Variants in COL28A1 observed in about 807,000 individuals in gnomAD.
The protein encoded by COL28A1 is collagen type XXVIII alpha 1 chain, also known as collagen alpha-1(XXVIII) chain.
In COL28A1, 161 loss-of-function variants were observed where a neutral mutation model predicts 150.2. The ratio of observed to expected loss-of-function variants is 1.07; its 90% CI spans 0.94 to 1.22. The LOEUF (loss-of-function observed/expected upper bound fraction) is 1.22. Among genes scored for constraint, COL28A1 ranks in the 50% most tolerant of loss-of-function variants. COL28A1 has a pLI of 0.00. For synonymous variants in COL28A1, 552 were observed against 469.7 expected (o/e 1.18, Z -2.26); for missense variants, 1,617 against 1,388.3 (o/e 1.16, Z -2.62).
intron 15 of COL28A1, among the ~76,000 whole-genome samples, chr7:7,463,927 A>G (rs1430825294): frequency 2.6e-5 from 4 of 152,228 alleles, no homozygotes. Context: ...CACCTAACAC[A>G]TAAGGACTCA....
chr7:7,534,184 G>C (rs1358449370), intron 1 of COL28A1, among the ~76,000 whole-genome samples: 2 of 152,162 alleles, frequency 1.3e-5, no homozygotes, highest in African/African-American at 4.8e-5. Flanking sequence ...AGCTGGAAGT[G>C]TATTAAAAGA....
chr7:7,512,183 A>G (rs1233101379), intron 8 of COL28A1, among the ~76,000 whole-genome samples: 2 of 152,208 alleles, frequency 1.3e-5, no homozygotes, highest in Admixed American at 1.3e-4. Context: ...ACAGAAGCAC[A>G]GAGTAGAAGG....
At chr7:7,417,820 G>GA in intron 27 of COL28A1, 39 bp downstream of exon 27, 1 of 1,540,200 alleles carries the variant, frequency 6.5e-7, no homozygotes. Context: ...TCACTCTGGT[G>GA]AAATCAGAGG....
intron 15 of COL28A1, among the ~76,000 whole-genome samples, chr7:7,474,216 C>G (rs923206989): frequency 6.6e-5 from 10 of 151,778 alleles, no homozygotes; most frequent in African/African-American, 2.4e-4. Flanking sequence ...TGTATGTTCT[C>G]ACTCATATGT....
intron 25 of COL28A1, 25 bp downstream of exon 25, chr7:7,432,448 T>C: frequency 6.2e-7 from 1 of 1,606,116 alleles, no homozygotes; most frequent in Non-Finnish European, 8.5e-7. Context: ...TAGAAGCTAG[T>C]ACGTTGCCTA....
At chr7:7,380,750 A>G (rs1781827680) in intron 29 of COL28A1, 32 bp downstream of exon 29, 1 of 1,612,622 alleles carries the variant, frequency 6.2e-7, no homozygotes, top group Non-Finnish European at 8.5e-7. Context: ...GTTAGAGTAT[A>G]AAATCACAGT....
intron 11 of COL28A1, among the ~76,000 whole-genome samples, chr7:7,493,884 C>A (rs1780061627): frequency 6.6e-6 from 1 of 151,990 alleles, no homozygotes; most frequent in African/African-American, 2.4e-5. Flanking sequence ...AGAGAGATGG[C>A]ATGCCCAAAA....
At chr7:7,524,482 A>C (rs1277892736) in intron 3 of COL28A1, among the ~76,000 whole-genome samples, 1 of 152,230 alleles carries the variant, frequency 6.6e-6, no homozygotes, top group Non-Finnish European at 1.5e-5. Flanking sequence ...ATTTTCTAGG[A>C]ACTTCATCTT....
downstream of COL28A1, among the ~76,000 whole-genome samples, chr7:7,351,798 T>C (rs1780235961): frequency 1.3e-5 from 2 of 152,010 alleles, no homozygotes; most frequent in Non-Finnish European, 2.9e-5. Context: ...GACTTGGGGC[T>C]ATAAACCAAA....
At position 7,489,390 on chromosome 7, in the gene COL28A1, G is replaced by A; in HGVS notation, c.1163C>T (p.Pro388Leu). The A allele has an allele frequency of 1.5e-6, 2 of 1,302,156 alleles. No homozygotes were observed. Among genetic ancestry groups the A allele is most frequent in the South Asian group, 1.2e-5 (1 of 84,922 alleles). 80.7% of individuals were successfully genotyped at this position (1,302,156 alleles called of 1,614,324 possible). A position where few individuals can be genotyped will look rare whatever the true frequency, so the allele number is the denominator to read the frequency against. The stretch of plus-strand genomic sequence containing the variant: ...CCATCTAGAATTTTTGCTACTTACT[G>A]GCTGTCCAGGCTCACCAACTCCAAT... ...GPIGVGEPGQ[P>L]GPRGPEGVPG... The change falls in exon 13 of 35, where the codon CCA (proline) becomes CTA (leucine). Residue 388 changes from proline to leucine, a missense_variant and splice_region_variant. Coordinates refer to ENST00000399429, the MANE Select transcript of COL28A1 (RefSeq NM_001037763.3).
intron 25 of COL28A1, among the ~76,000 whole-genome samples, chr7:7,429,874 G>T (rs539756802): frequency 6.6e-6 from 1 of 152,110 alleles, no homozygotes; most frequent in Non-Finnish European, 1.5e-5. Flanking sequence ...TCAGCCTTCC[G>T]CGTGGGCTCA....
chr7:7,418,240 AG>A (rs1437603234), intron 26 of COL28A1, among the ~76,000 whole-genome samples: 1 of 152,206 alleles, frequency 6.6e-6, no homozygotes, highest in African/African-American at 2.4e-5. Context: ...ACCAAGCTCA[AG>A]AACACCAGGG....
chr7:7,443,557 GCTT>G, intron 20 of COL28A1, 25 bp downstream of exon 20: 1 of 1,613,332 alleles, frequency 6.2e-7, no homozygotes, highest in South Asian at 1.1e-5. Flanking sequence ...AACACAGGCT[GCTT>G]CCACCAACAC....
chr7:7,472,276 G>A (rs1788499874), intron 15 of COL28A1, among the ~76,000 whole-genome samples: 1 of 152,038 alleles, frequency 6.6e-6, no homozygotes, highest in South Asian at 2.1e-4. Flanking sequence ...AAACCCTAAA[G>A]ACTCCTCCAG....
At chr7:7,488,597 AT>A (rs1447755493) in intron 13 of COL28A1, among the ~76,000 whole-genome samples, 1 of 152,136 alleles carries the variant, frequency 6.6e-6, no homozygotes, top group Non-Finnish European at 1.5e-5. Flanking sequence ...TTTAGTAGAA[AT>A]TTTTTTCTTC....
chr7:7,346,334 G>A, the COL28A1 span, among the ~76,000 whole-genome samples: 3 of 151,918 alleles, frequency 2.0e-5, no homozygotes, highest in African/African-American at 7.2e-5. Context: ...CCTGCATATC[G>A]CTAGGAATAG....
chr7:7,487,595 T>A (rs1036577051), intron 13 of COL28A1, among the ~76,000 whole-genome samples: 37 of 152,148 alleles, frequency 2.4e-4, no homozygotes, highest in Non-Finnish European at 1.0e-4. Context: ...TAATTATGAC[T>A]TATTTCTTTG....
chr7:7,532,177 T>G (rs1782402411), intron 2 of COL28A1, among the ~76,000 whole-genome samples: 1 of 152,122 alleles, frequency 6.6e-6, no homozygotes, highest in African/African-American at 2.4e-5. Context: ...CTGCTGAAAG[T>G]GGGAGGAAAT....
intron 11 of COL28A1, among the ~76,000 whole-genome samples, chr7:7,494,538 T>C (rs764744805): frequency 6.6e-6 from 1 of 152,232 alleles, no homozygotes; most frequent in Non-Finnish European, 1.5e-5. Context: ...GCAAAACATC[T>C]AAGTCATAAC....
Sources: gnomAD v4.1 joint callset for allele counts (sites outside exome capture counted in the v4.1 genomes callset) on GRCh38, gnomAD v4.1.1 for gene constraint, MANE v1.5 for transcripts, NCBI Gene and HGNC (gene_info 2026-07-23, HGNC 2026-07-21) for gene names.